SHANK2: variants seen among roughly 807,000 people sequenced by gnomAD.
SHANK2 encodes SH3 and multiple ankyrin repeat domains protein 2.
Under a neutral mutation model 133.7 loss-of-function variants are expected in SHANK2, and 43 were observed. The ratio of observed to expected loss-of-function variants is 0.32; its 90% confidence interval spans 0.25 to 0.41. SHANK2 has a LOEUF of 0.41. Ranked by LOEUF, SHANK2 falls within the 10% of genes least tolerant of loss-of-function variation. The probability of loss-of-function intolerance (pLI) is 1.00; values close to 1 mark genes in which losing one functional copy is unlikely to be tolerated. For missense variants in SHANK2, 1,994 were observed against 2,235.8 expected, an observed-to-expected ratio of 0.89 and a Z score of 2.18; for synonymous variants, 1,017 against 952.8, an observed-to-expected ratio of 1.07 and a Z score of -1.24.
In SHANK2 at chr11:70,804,861, A is replaced by G. The variant is rs1555051518; in HGVS notation, c.1663+2141T>C. Among the ~76,000 whole-genome samples, 1 of 152,066 alleles carries G rather than the reference A, an allele frequency of 6.6e-6. No individual in the cohort carries two copies. Among genetic ancestry groups the G allele is most frequent in the African/African-American group, 2.4e-5 (1 of 41,420 alleles). On this transcript the variant is annotated intron_variant, in intron 13 of 25. Coordinates refer to ENST00000601538, the MANE Select transcript of SHANK2 (RefSeq NM_012309.5). The surrounding 1 kb of genome is among the most constrained non-coding windows in gnomAD (Gnocchi z 4.1). ...CTCGGATCCACTGATGGGGCTCATC[A>G]CCGGCTCCCCCTCTCCCTTGAGCTC...
At chr11:70,481,958 T>C (rs1222536132) in intron 25 of SHANK2, among the ~76,000 whole-genome samples, 1 of 14,672 alleles carries the variant, frequency 6.8e-5, no homozygotes, top group Admixed American at 1.2e-3. Context: ...GGCAACTCCG[T>C]CCTGGACCCC....
At chr11:70,619,408 T>TG (rs1201594770) in intron 17 of SHANK2, among the ~76,000 whole-genome samples, 7 of 152,064 alleles carry the variant, frequency 4.6e-5, no homozygotes, top group Admixed American at 6.5e-5. Context: ...AGTTCTGCCT[T>TG]GGGGGGTCCC....
chr11:71,057,410 T>A (rs1950933611), intron 9 of SHANK2, among the ~76,000 whole-genome samples: 1 of 152,050 alleles, frequency 6.6e-6, no homozygotes, highest in African/African-American at 2.4e-5. Flanking sequence ...TTTTAAAGGC[T>A]TAAAGAGAAA....
intron 17 of SHANK2, among the ~76,000 whole-genome samples, chr11:70,526,033 C>A (rs1042162787): frequency 1.2e-4 from 16 of 132,720 alleles, no homozygotes; most frequent in Non-Finnish European, 2.5e-4. Context: ...ACACAACTGG[C>A]CAGCACTCAC....
chr11:71,109,782 T>G (rs1555098746), intron 6 of SHANK2, among the ~76,000 whole-genome samples, 159 bp downstream of exon 6: 1 of 152,272 alleles, frequency 6.6e-6, no homozygotes, highest in East Asian at 1.9e-4. Context: ...CGGCCCCTTC[T>G]GACTGAGAAG....
At chr11:71,216,585 C>T (rs556299558) in intron 2 of SHANK2, among the ~76,000 whole-genome samples, 1 of 152,296 alleles carries the variant, frequency 6.6e-6, no homozygotes, top group Admixed American at 6.5e-5. Context: ...CTGCGCCACT[C>T]TGAAAATACA....
rs17160970 is a variant in SHANK2, at chr11:70,630,019, T to C, written c.2061+29809A>G. ...ATGAGACAGGAGAGGACATCGTCTG[T>C]GGGCTTCCAGAGAGGGGCAGACAGC... On this transcript the variant is annotated intron_variant, in intron 17 of 25. Transcript: ENST00000601538. 1.7e-3 allele frequency among the ~76,000 whole-genome samples: 263 copies of C among 152,326 alleles called. 2 individuals are homozygous for C. Among genetic ancestry groups the C allele is most frequent in the Admixed American group, 9.9e-3 (152 of 15,300 alleles).
intron 17 of SHANK2, among the ~76,000 whole-genome samples, chr11:70,510,927 G>C (rs556590441): frequency 1.3e-5 from 2 of 152,330 alleles, no homozygotes; most frequent in Admixed American, 6.5e-5. Context: ...AACCAAAGAG[G>C]CTGCGCCAAC....
At chr11:71,134,212 C>T (rs1249186992) in intron 3 of SHANK2, among the ~76,000 whole-genome samples, 3 of 151,422 alleles carry the variant, frequency 2.0e-5, no homozygotes, top group Non-Finnish European at 4.4e-5. Context: ...CCTCTCAGTC[C>T]ACGTGCGGTG....
At chr11:70,776,392 C>T (rs1555043899) in intron 14 of SHANK2, among the ~76,000 whole-genome samples, 1 of 152,168 alleles carries the variant, frequency 6.6e-6, no homozygotes, top group Non-Finnish European at 1.5e-5. Context: ...CACAGTGCAT[C>T]TGGGTTGGCT....
At chr11:70,488,252 G>A (rs574134166) in intron 24 of SHANK2, among the ~76,000 whole-genome samples, 1 of 152,212 alleles carries the variant, frequency 6.6e-6, no homozygotes, top group South Asian at 2.1e-4. Flanking sequence ...CATCTGAAAT[G>A]AGAGCAAAGG....
intron 3 of SHANK2, among the ~76,000 whole-genome samples, chr11:71,135,493 T>TG (rs1438596433): frequency 6.6e-6 from 1 of 150,492 alleles, no homozygotes; most frequent in Non-Finnish European, 1.5e-5. Context: ...TTTTTTTTTT[T>TG]TTTTTTTTTT....
intron 2 of SHANK2, among the ~76,000 whole-genome samples, chr11:71,182,928 A>G (rs1169276595): frequency 6.6e-6 from 1 of 152,136 alleles, no homozygotes; most frequent in Non-Finnish European, 1.5e-5. Context: ...ACAGTGTGGG[A>G]ATCAGGGCTC....
chr11:70,572,966 C>T (rs181115404), intron 17 of SHANK2, among the ~76,000 whole-genome samples: 287 of 152,266 alleles, frequency 1.9e-3, no homozygotes, highest in Admixed American at 3.0e-3. Flanking sequence ...CAACTTTATG[C>T]GTGGTAGGTC....
intron 2 of SHANK2, among the ~76,000 whole-genome samples, chr11:71,221,271 A>C (rs150103598): frequency 1.1e-3 from 171 of 152,318 alleles, no homozygotes; most frequent in Admixed American, 3.4e-3. Flanking sequence ...GACTTTAAAA[A>C]TAAAAACAAA....
intron 11 of SHANK2, among the ~76,000 whole-genome samples, chr11:70,883,994 G>T (rs1555072904): frequency 1.3e-5 from 2 of 152,202 alleles, no homozygotes; most frequent in Admixed American, 1.3e-4. Flanking sequence ...GTCTCAGAAG[G>T]GTAGGAACAG....
chr11:70,587,641 G>A (rs1459766613), intron 17 of SHANK2, among the ~76,000 whole-genome samples: 8 of 151,434 alleles, frequency 5.3e-5, no homozygotes, highest in African/African-American at 1.9e-4. Flanking sequence ...GTGCTTTGGG[G>A]ATACTGCATT....
chr11:70,855,441 A>G (rs567143705), intron 11 of SHANK2, among the ~76,000 whole-genome samples: 14 of 152,278 alleles, frequency 9.2e-5, no homozygotes, highest in Non-Finnish European at 1.9e-4. Context: ...TGATCCTATC[A>G]GCTCTTCCAA....
intron 17 of SHANK2, among the ~76,000 whole-genome samples, chr11:70,598,665 T>C (rs2060433970): frequency 6.6e-6 from 1 of 152,174 alleles, no homozygotes; most frequent in African/African-American, 2.4e-5. Flanking sequence ...GCAAAAATCC[T>C]AAACACAATA....
Sources: gnomAD v4.1 joint callset for allele counts (sites outside exome capture counted in the v4.1 genomes callset) on GRCh38, gnomAD v4.1.1 for gene constraint, Gnocchi (gnomAD v3.1) non-coding constraint, MANE v1.5 for transcripts, NCBI Gene and HGNC (gene_info 2026-07-23, HGNC 2026-07-21) for gene names.